The following TMEM131 variants were observed in gnomAD, a reference collection of about 807,000 sequenced individuals.
TMEM131 encodes transmembrane protein 131, also known as 2610524E03Rik.
In TMEM131, 66 loss-of-function variants were observed where a neutral mutation model predicts 211.6. The ratio of observed to expected loss-of-function variants is 0.31; its 90% CI spans 0.26 to 0.38. TMEM131 has a LOEUF of 0.38. TMEM131 is among the 10% of genes least tolerant of loss of function. TMEM131 has a pLI of 1.00. For synonymous variants in TMEM131, 844 were observed against 841.3 expected (o/e 1.00, Z -0.06); for missense variants, 2,036 against 2,299.3 (o/e 0.89, Z 2.34).
chr2:97,985,444 T>C (rs955774554), intron 1 of TMEM131, among the ~76,000 whole-genome samples: 1 of 152,044 alleles, frequency 6.6e-6, no homozygotes, highest in Non-Finnish European at 1.5e-5. Flanking sequence ...TCCAAATTTA[T>C]CTAACGTTTT....
intron 1 of TMEM131, among the ~76,000 whole-genome samples, chr2:97,960,157 A>AG (rs35187795): frequency 9.2e-5 from 14 of 151,856 alleles, no homozygotes; most frequent in African/African-American, 3.4e-4. Flanking sequence ...GTAATAGATA[A>AG]TTCATAAAAA....
At chr2:97,924,652 T>C (rs1676905133) in intron 2 of TMEM131, among the ~76,000 whole-genome samples, 1 of 152,162 alleles carries the variant, frequency 6.6e-6, no homozygotes, top group African/African-American at 2.4e-5. Flanking sequence ...GTAATGCCCT[T>C]AGGAAAGTAC....
rs1411397139 is a variant in TMEM131 at position 97,805,215 on chromosome 2, G to A, written c.2285-10C>T. On this transcript the variant is annotated splice_polypyrimidine_tract_variant and intron_variant, in intron 21 of 40. Coordinates refer to ENST00000186436, the MANE Select transcript of TMEM131 (RefSeq NM_015348.2). ...TGCACTTTGGGTTCAGCTAAAACAA[G>A]GAAACATACTTAACCTGCATCTATA... The A allele has an allele frequency of 1.2e-6, 2 of 1,607,890 alleles. No individual in the cohort carries two copies. Among genetic ancestry groups the A allele is most frequent in the Admixed American group, 1.7e-5 (1 of 58,684 alleles).
chr2:97,845,202 T>C lies in TMEM131; in HGVS notation c.484-941A>G, dbSNP rs949015027. On this transcript the variant is annotated intron_variant, in intron 5 of 40. Coordinates refer to ENST00000186436, the MANE Select transcript of TMEM131 (RefSeq NM_015348.2). Reference sequence around the variant, plus strand: ...GAGATTATCAACTAGCCTGAAATCGTAGAAAAGACAAGCACCTCCAAGGAC... The same window carrying C: ...GAGATTATCAACTAGCCTGAAATCGCAGAAAAGACAAGCACCTCCAAGGAC... Among the ~76,000 whole-genome samples the C allele has an allele frequency of 1.2e-4, 18 of 151,990 alleles. No individual in the cohort carries two copies. In the South Asian group the frequency reaches 2.5e-3, roughly 21 times the overall value.
At chr2:97,980,710 C>A (rs1200415585) in intron 1 of TMEM131, among the ~76,000 whole-genome samples, 1 of 152,028 alleles carries the variant, frequency 6.6e-6, no homozygotes, top group Non-Finnish European at 1.5e-5. Flanking sequence ...TATATTCATA[C>A]AACAGAATAC....
chr2:97,784,448 AG>A (rs1391996196), intron 31 of TMEM131, among the ~76,000 whole-genome samples: 1 of 152,148 alleles, frequency 6.6e-6, no homozygotes, highest in East Asian at 1.9e-4. Flanking sequence ...AATAACAGAA[AG>A]ATAGGAAAAG....
At chr2:97,772,882 C>T (rs575008097) in intron 32 of TMEM131, among the ~76,000 whole-genome samples, 26 of 152,276 alleles carry the variant, frequency 1.7e-4, no homozygotes, top group African/African-American at 5.5e-4. Context: ...GGCGACAGAG[C>T]GAGACGCCAT....
chr2:97,835,469 A>C lies in TMEM131; in HGVS notation c.805-544T>G, dbSNP rs577623049. ...ACTGCATTCATGTAAGACAGCATAC[A>C]TTTTCAGTCCCGTAATGAGAGAACA... On this transcript the variant is annotated intron_variant, in intron 8 of 40. Transcript: ENST00000186436. 1.2e-4 allele frequency among the ~76,000 whole-genome samples: 18 copies of C among 152,306 alleles called. 1 individual carries two copies. The South Asian group carries it at 2.7e-3, about 23-fold the overall frequency.
In TMEM131 at chr2:97,995,580, G is replaced by A. The variant is rs923677370; in HGVS notation, c.83C>T (p.Ala28Val). ...CCGCGGGCCCCCGCTACGGGCGGCC[G>A]CAGGTTCCAGCCCGGCCCCGGCGGA... ...STSAGAGLEP[A>V]AARSGGPRSA... is the part of the protein sequence containing the mutation. Residue 28 changes from alanine to valine, a missense_variant, in exon 1 of 41, where the codon GCG becomes GTG. Ala to Val is a moderately conservative substitution (Grantham distance 64, BLOSUM62 0). This residue lies in a region of TMEM131 where 136 missense variants were observed against 115.4 expected (regional missense o/e 1.18). Coordinates refer to ENST00000186436, the MANE Select transcript of TMEM131 (RefSeq NM_015348.2). 2.3e-6 allele frequency: 3 copies of A among 1,296,088 alleles called. No individual in the cohort carries two copies. Among genetic ancestry groups the A allele is most frequent in the Non-Finnish European group, 2.9e-6 (3 of 1,023,628 alleles). 80.3% of individuals were successfully genotyped at this position (1,296,088 alleles called of 1,614,324 possible). A position where few individuals can be genotyped will look rare whatever the true frequency, so the allele number is the denominator to read the frequency against.
chr2:97,773,730 G>A (rs1376529964), intron 32 of TMEM131, among the ~76,000 whole-genome samples: 1 of 151,742 alleles, frequency 6.6e-6, no homozygotes, highest in African/African-American at 2.4e-5. Flanking sequence ...AGCCTCCTGA[G>A]TAGCTAGGAC....
chr2:97,948,209 T>A (rs561124157), intron 1 of TMEM131, among the ~76,000 whole-genome samples: 18 of 150,578 alleles, frequency 1.2e-4, no homozygotes, highest in East Asian at 7.8e-4. Context: ...GGATTAAAAA[T>A]TTTTTTTTTA....
chr2:97,857,255 A>G (rs1338493763), intron 5 of TMEM131, among the ~76,000 whole-genome samples: 1 of 152,180 alleles, frequency 6.6e-6, no homozygotes, highest in African/African-American at 2.4e-5. Context: ...TAGACTCCCA[A>G]CATGGTAACC....
In TMEM131 at chr2:97,844,904, T is replaced by C. The variant is rs1015344717; in HGVS notation, c.484-643A>G. ...CAAAGCCTTAAAGTGCATTTTAATA[T>C]GTAAAGCCATCAACCTCTCTCATTC... is the stretch of plus-strand genomic sequence containing the variant. On this transcript the variant is annotated intron_variant, in intron 5 of 40. Transcript: ENST00000186436. 3.3e-5 allele frequency among the ~76,000 whole-genome samples: 5 copies of C among 152,136 alleles called. No individual in the cohort carries two copies. In the South Asian group the frequency reaches 6.2e-4, roughly 19 times the overall value.
intron 3 of TMEM131, among the ~76,000 whole-genome samples, chr2:97,891,296 G>A (rs1559428018): frequency 6.6e-6 from 1 of 152,048 alleles, no homozygotes; most frequent in Non-Finnish European, 1.5e-5. Flanking sequence ...CAGGGGTCTC[G>A]TTATGTTGCC....
Position 97,908,648 on chromosome 2 carries a change from A to G in TMEM131, c.290+10T>C. ...GAAAGTATGTTAATTATCTTATTAA[A>G]TATACTTACCTTTTCTGCTGATATG... is the stretch of plus-strand genomic sequence containing the variant. On this transcript the variant is annotated intron_variant, in intron 3 of 40. Transcript: ENST00000186436. 1.3e-6 allele frequency: 2 copies of G among 1,593,650 alleles called. No individual in the cohort carries two copies. The highest frequency in any genetic ancestry group is 1.1e-5 in the South Asian group (1 of 89,316).
At chr2:97,821,489 TA>T (rs1416207519) in intron 11 of TMEM131, among the ~76,000 whole-genome samples, 1 of 152,174 alleles carries the variant, frequency 6.6e-6, no homozygotes, top group Non-Finnish European at 1.5e-5. Flanking sequence ...CTCTTCACAA[TA>T]AATCTTGCTG....
chr2:97,815,708 G>A (rs1352505299), intron 12 of TMEM131, among the ~76,000 whole-genome samples: 1 of 152,106 alleles, frequency 6.6e-6, no homozygotes, highest in East Asian at 1.9e-4. Flanking sequence ...CAGCATCCCG[G>A]ACCTCTACTT....
rs896553378 is a variant in TMEM131, at chr2:97,970,786, T to C, written c.187+24690A>G. On this transcript the variant is annotated intron_variant, in intron 1 of 40. Transcript: ENST00000186436. The stretch of plus-strand genomic sequence containing the variant: ...CTGGTGGTCTGCCATGCTGGACATA[T>C]CTCATTCACTTTTACCCAGGAGTGT... Among the ~76,000 whole-genome samples, 12 of 152,218 alleles carry C rather than the reference T, an allele frequency of 7.9e-5. No homozygotes were observed. In the South Asian group the frequency reaches 1.0e-3, roughly 13 times the overall value.
intron 10 of TMEM131, 127 bp from the exon 11 acceptor site, chr2:97,833,553 AAAAG>A: frequency 1.7e-6 from 1 of 576,626 alleles, no homozygotes; most frequent in Non-Finnish European, 3.1e-6. Context: ...AAGATTAATA[AAAAG>A]AAACATTAGG....
Sources: gnomAD v4.1 joint callset for allele counts (sites outside exome capture counted in the v4.1 genomes callset) on GRCh38, gnomAD v4.1.1 for gene constraint, gnomAD v4.1.1 regional missense constraint, MANE v1.5 for transcripts, NCBI Gene and HGNC (gene_info 2026-07-23, HGNC 2026-07-21) for gene names.